Variants in TTLL6 observed in about 807,000 individuals in gnomAD.
TTLL6 encodes the protein tubulin tyrosine ligase like 6.
TTLL6 carries 75 observed loss-of-function variants against 96.4 expected under a neutral mutation model. The ratio of observed to expected loss-of-function variants is 0.78; its 90% CI spans 0.65 to 0.94. The LOEUF is 0.94. Among genes scored for constraint, TTLL6 ranks in the 40% least tolerant of loss-of-function variants. The probability of loss-of-function intolerance (pLI) is 0.00; values close to 1 mark genes in which losing one functional copy is unlikely to be tolerated. For synonymous variants in TTLL6, 411 were observed against 419.4 expected (o/e 0.98, Z 0.24); for missense variants, 1,030 against 1,093.0 (o/e 0.94, Z 0.81).
Position 48,775,885 on chromosome 17 carries a change from G to T in TTLL6, c.2041-5788C>A, listed in dbSNP as rs2038860923. Among the ~76,000 whole-genome samples the T allele has an allele frequency of 2.6e-5, 4 of 151,984 alleles. No individual in the cohort carries two copies. The South Asian group carries it at 8.3e-4, about 31-fold the overall frequency. On this transcript the variant is annotated intron_variant, in intron 13 of 15. Coordinates refer to ENST00000393382, the MANE Select transcript of TTLL6 (RefSeq NM_001130918.3). ...AAAAACTCTCAGCAAACTAGGAATA[G>T]AAGTGACCTTTTTCAATCTGATAAA...
intron 10 of TTLL6, among the ~76,000 whole-genome samples, chr17:48,788,671 C>T (rs1373616524): frequency 6.6e-6 from 1 of 152,188 alleles, no homozygotes; most frequent in East Asian, 1.9e-4. Context: ...ACTCACTGGG[C>T]TCTGGGTCCA....
chr17:48,795,407 C>A (rs117585111), intron 8 of TTLL6, among the ~76,000 whole-genome samples: 1,691 of 152,066 alleles, frequency 0.011, 23 homozygotes, highest in Non-Finnish European at 0.019. Context: ...GACCCCAACA[C>A]ACATGAAGCC....
At chr17:48,801,221 G>A in intron 5 of TTLL6, 34 bp downstream of exon 5, 1 of 1,536,632 alleles carries the variant, frequency 6.5e-7, no homozygotes. Flanking sequence ...GGGGAGGGGA[G>A]TGGAGAAGGA....
chr17:48,766,853 T>C (rs1010902592), intron 15 of TTLL6, among the ~76,000 whole-genome samples: 15 of 152,218 alleles, frequency 9.9e-5, no homozygotes, highest in Non-Finnish European at 2.1e-4. Flanking sequence ...AGGTCAGGGC[T>C]GGCTGTAACA....
rs914358372 is a variant in TTLL6, at chr17:48,801,511, A to T, written c.480+14T>A. ...TGGCACACTTAAACCAAGGACCATC[A>T]CTAGCCCAAATACCTGGTAACTTTT... On this transcript the variant is annotated intron_variant, in intron 4 of 15. Coordinates refer to ENST00000393382, the MANE Select transcript of TTLL6 (RefSeq NM_001130918.3). 17 of 1,551,546 alleles carry T rather than the reference A, an allele frequency of 1.1e-5. No individual in the cohort carries two copies. Among genetic ancestry groups the T allele is most frequent in the Non-Finnish European group, 1.4e-5 (16 of 1,146,780 alleles).
intron 15 of TTLL6, chr17:48,765,780 C>T (rs1272431899): frequency 6.5e-6 from 1 of 152,780 alleles, no homozygotes; most frequent in Non-Finnish European, 1.5e-5. Context: ...AACTCCTGGA[C>T]TCAAGCAATC....
At chr17:48,778,894 C>T (rs2038933265) in intron 13 of TTLL6, among the ~76,000 whole-genome samples, 1 of 148,740 alleles carries the variant, frequency 6.7e-6, no homozygotes, top group Admixed American at 6.7e-5. Context: ...CACACCACTG[C>T]ACTCCAGCCT....
In TTLL6 at chr17:48,786,197, C is replaced by T. The variant is rs959604934; in HGVS notation, c.1728G>A (p.Gln576=). The T allele has an allele frequency of 6.2e-7, 1 of 1,614,124 alleles. No homozygotes were observed. The change falls in exon 12 of 16, where the codon CAG becomes CAA. Residue 576 remains glutamine (Q), a synonymous_variant. Coordinates refer to ENST00000393382, the MANE Select transcript of TTLL6 (RefSeq NM_001130918.3). ...AGGCTTGGGTGGCGGCCTTGTCTTTCTGCTGTTGTTTCTGTTGCCAGCCCC... is the reference window on the plus strand; with the variant it reads ...AGGCTTGGGTGGCGGCCTTGTCTTTTTGCTGTTGTTTCTGTTGCCAGCCCC... ...GMRGWQQKQQ[Q]KDKAATQASK...
At chr17:48,804,372 T>C (rs1413151379) in intron 2 of TTLL6, 1 of 485,310 alleles carries the variant, frequency 2.1e-6, no homozygotes, top group South Asian at 1.5e-5. Context: ...CATGGTGAAA[T>C]ATTAAACAAG....
intron 3 of TTLL6, 132 bp downstream of exon 3, chr17:48,803,759 C>A: frequency 2.2e-6 from 2 of 902,682 alleles, no homozygotes; most frequent in Admixed American, 4.7e-5. Flanking sequence ...GTTCATTGAG[C>A]TAGGAGAACT....
rs1416384533 is a variant in TTLL6, at chr17:48,801,649, G to A, written c.362-6C>T. 1.3e-6 allele frequency: 2 copies of A among 1,550,116 alleles called. No individual in the cohort carries two copies. The highest frequency in any genetic ancestry group is 2.7e-5 in the African/African-American group (2 of 72,990). On this transcript the variant is annotated splice_polypyrimidine_tract_variant and splice_region_variant and intron_variant, in intron 3 of 15. Coordinates refer to ENST00000393382, the MANE Select transcript of TTLL6 (RefSeq NM_001130918.3). ...CTGTTGGGCAGCCCTGCGCACTATT[G>A]AAGAAAGAAAGGCCTATTAGCCCAG...
At chr17:48,784,274 G>A (rs2039045172) in intron 13 of TTLL6, among the ~76,000 whole-genome samples, 1 of 151,644 alleles carries the variant, frequency 6.6e-6, no homozygotes, top group Non-Finnish European at 1.5e-5. Flanking sequence ...GCATGGTGGT[G>A]TGTGCCTGCA....
intron 4 of TTLL6, 45 bp downstream of exon 4, chr17:48,801,480 G>T: frequency 6.4e-7 from 1 of 1,550,914 alleles, no homozygotes; most frequent in South Asian, 1.2e-5. Context: ...GCCCCGCCGG[G>T]TAAGATGGCA....
chr17:48,790,231 G>C (rs1032549445), intron 9 of TTLL6, 125 bp from the exon 10 acceptor site: 1 of 1,009,862 alleles, frequency 9.9e-7, no homozygotes, highest in East Asian at 2.4e-5. Flanking sequence ...CAAGATGAAA[G>C]GGAGGGGAGA....
chr17:48,785,410 A>T (rs1250628582), intron 12 of TTLL6, among the ~76,000 whole-genome samples: 1 of 152,168 alleles, frequency 6.6e-6, no homozygotes, highest in East Asian at 1.9e-4. Context: ...AGCCACTTGA[A>T]ATTGCAGTTT....
chr17:48,814,365 TAACA>T (rs890051453), intron 1 of TTLL6, among the ~76,000 whole-genome samples: 1 of 147,120 alleles, frequency 6.8e-6, no homozygotes, highest in African/African-American at 2.5e-5. Flanking sequence ...ACTACCAATG[TAACA>T]AACACAGTAA....
chr17:48,776,419 CCACTG>C (rs1196656949), intron 13 of TTLL6, among the ~76,000 whole-genome samples: 1 of 152,164 alleles, frequency 6.6e-6, no homozygotes, highest in African/African-American at 2.4e-5. Flanking sequence ...CGAGATCGTG[CCACTG>C]CACTCCAGCC....
intron 3 of TTLL6, among the ~76,000 whole-genome samples, chr17:48,803,483 C>CCA (rs2039458386): frequency 1.8e-5 from 1 of 55,158 alleles, no homozygotes; most frequent in Non-Finnish European, 3.8e-5. Flanking sequence ...GATTCCGTGT[C>CCA]AAAAAAAAAA....
chr17:48,768,520 T>C (rs377674568), intron 15 of TTLL6, among the ~76,000 whole-genome samples: 11 of 152,122 alleles, frequency 7.2e-5, no homozygotes, highest in African/African-American at 2.2e-4. Flanking sequence ...TCCACCCACC[T>C]CGGCCTCCCA....
Sources: allele counts gnomAD v4.1 joint callset (sites outside exome capture counted in the v4.1 genomes callset), GRCh38; gene constraint gnomAD v4.1.1; transcripts MANE v1.5; gene names NCBI Gene and HGNC (gene_info 2026-07-23, HGNC 2026-07-21).